WNK1: variants seen among roughly 807,000 people sequenced by gnomAD.
The protein encoded by WNK1 is WNK lysine deficient protein kinase 1.
In WNK1, 38 loss-of-function variants were observed where a neutral mutation model predicts 222.8. That is an observed-to-expected ratio of 0.17 (90% CI 0.13 to 0.22). WNK1 has a LOEUF of 0.22. Ranked by LOEUF, WNK1 falls within the 10% of genes least tolerant of loss-of-function variation. The pLI is 1.00. For synonymous variants in WNK1, 1,090 were observed against 1,092.9 expected (o/e 1.00, Z 0.05); for missense variants, 2,348 against 2,918.4 (o/e 0.80, Z 4.50).
At chr12:816,621 C>T (rs944608750) in intron 2 of WNK1, among the ~76,000 whole-genome samples, 6 of 151,996 alleles carry the variant, frequency 3.9e-5, no homozygotes, top group Admixed American at 6.6e-5. Context: ...ATGTAGATGG[C>T]GCTATAACAT....
At chr12:826,978 G>T in intron 2 of WNK1, 64 bp from the exon 3 acceptor site, 2 of 1,339,580 alleles carry the variant, frequency 1.5e-6, no homozygotes, top group Non-Finnish European at 1.1e-6. Context: ...GAATTTAATG[G>T]AATTCTTCAA....
Position 845,580 on chromosome 12 carries a change from G to A in WNK1, c.1312-11581G>A, listed in dbSNP as rs1390756241. Among the ~76,000 whole-genome samples the A allele has an allele frequency of 2.6e-5, 4 of 152,120 alleles. No individual in the cohort carries two copies. In the South Asian group the frequency reaches 6.2e-4, roughly 24 times the overall value. ...TTGGATCTGCTTCCTTTCAAATTCC[G>A]GCAATGTCATTGCCTAGCTGTGAGA... On this transcript the variant is annotated intron_variant, in intron 4 of 27. Coordinates refer to ENST00000315939, the MANE Select transcript of WNK1 (RefSeq NM_018979.4).
At chr12:851,821 G>T in intron 4 of WNK1, 1 of 1,281,450 alleles carries the variant, frequency 7.8e-7, no homozygotes, top group Non-Finnish European at 1.0e-6. Context: ...AGTTTATATT[G>T]TAGCCTTTTT....
intron 4 of WNK1, among the ~76,000 whole-genome samples, chr12:845,544 A>G (rs1313104612): frequency 6.6e-6 from 1 of 152,238 alleles, no homozygotes; most frequent in Non-Finnish European, 1.5e-5. Flanking sequence ...TGGAAGAAAT[A>G]GGCTCTGGAG....
intron 1 of WNK1, among the ~76,000 whole-genome samples, chr12:771,449 CTATT>C: frequency 6.6e-6 from 1 of 152,024 alleles, no homozygotes; most frequent in East Asian, 1.9e-4. Flanking sequence ...TGTAGTTCAG[CTATT>C]TATTAGCATT....
Position 889,058 on chromosome 12 carries a change from A to T in WNK1, c.5365-82A>T, listed in dbSNP as rs16931987. On this transcript the variant is annotated intron_variant, in intron 20 of 27. Transcript: ENST00000315939. The stretch of plus-strand genomic sequence containing the variant: ...GTTGTGCCAATATAAAGCATAAAAC[A>T]GTGTGTCCTATCTAAATTGGCTATA... 8,206 of 1,016,860 alleles carry T rather than the reference A, an allele frequency of 8.1e-3. 408 individuals carry two copies. The African/African-American group carries it at 0.11, about 14-fold the overall frequency. The allele number at this position is 1,016,860 out of a possible 1,614,324, so 63.0% of individuals were successfully genotyped here. A position where few individuals can be genotyped will look rare whatever the true frequency, so the allele number is the denominator to read the frequency against.
At chr12:891,646 A>T (rs941444936) in intron 22 of WNK1, among the ~76,000 whole-genome samples, 107 of 150,688 alleles carry the variant, frequency 7.1e-4, no homozygotes, top group Non-Finnish European at 5.2e-4. Flanking sequence ...AGTAATAACA[A>T]CTTGAGAATT....
intron 4 of WNK1, among the ~76,000 whole-genome samples, chr12:839,659 G>T (rs192916628): frequency 1.3e-5 from 2 of 151,576 alleles, no homozygotes; most frequent in African/African-American, 4.8e-5. Flanking sequence ...TTAGATTTGG[G>T]GACTATAAAA....
Position 884,035 on chromosome 12 carries a change from G to C in WNK1, c.3722-86G>C. The C allele has an allele frequency of 6.3e-7, 1 of 1,590,490 alleles. No individual in the cohort carries two copies. Among genetic ancestry groups the C allele is most frequent in the African/African-American group, 1.3e-5 (1 of 74,216 alleles). On this transcript the variant is annotated intron_variant, in intron 17 of 27. Coordinates refer to ENST00000315939, the MANE Select transcript of WNK1 (RefSeq NM_018979.4). The surrounding 1 kb of genome is among the most constrained non-coding windows in gnomAD (Gnocchi z 5.6). ...AGAATGAGACCGTGCCTCAAAAAAA[G>C]CAGTTGTATGTGCCAATAATGAAGT...
At chr12:878,475 A>G (rs755177787) in intron 10 of WNK1, 114 bp downstream of exon 10, 60 of 1,203,202 alleles carry the variant, frequency 5.0e-5, no homozygotes, top group Non-Finnish European at 7.0e-5. Context: ...CTTTTCTTCT[A>G]AGGGTAACCA....
intron 4 of WNK1, among the ~76,000 whole-genome samples, chr12:848,079 ACAGGCGTGAGCCACCG>A (rs1463532163): frequency 6.6e-6 from 1 of 152,026 alleles, no homozygotes; most frequent in African/African-American, 2.4e-5. Context: ...TGTTGGGATT[ACAGGCGTGAGCCACCG>A]CGCCTGGCTG....
At chr12:848,773 A>G (rs1308735893) in intron 4 of WNK1, among the ~76,000 whole-genome samples, 5 of 152,140 alleles carry the variant, frequency 3.3e-5, no homozygotes, top group Non-Finnish European at 7.4e-5. Context: ...ATAAGTTTAG[A>G]TATGTAAACT....
intron 25 of WNK1, 137 bp downstream of exon 25, chr12:897,818 T>C (rs941597437): frequency 1.2e-6 from 1 of 846,138 alleles, no homozygotes; most frequent in Non-Finnish European, 1.9e-6. Context: ...TTTGCTTCCT[T>C]GACTGCTGTA....
At chr12:894,095 G>A (rs1954530296) in intron 22 of WNK1, among the ~76,000 whole-genome samples, 1 of 152,014 alleles carries the variant, frequency 6.6e-6, no homozygotes, top group Non-Finnish European at 1.5e-5. Flanking sequence ...GCACACGCCT[G>A]TAATCCCAGC....
Position 780,720 on chromosome 12 carries a change from G to A in WNK1, c.759+26396G>A, listed in dbSNP as rs72647392. ...TATCTTTGTGGAGCTTATTTTGAGC[G>A]TTAGAGTGGGAGACTTAGTTCTAAT... On this transcript the variant is annotated intron_variant, in intron 1 of 27. Coordinates refer to ENST00000315939, the MANE Select transcript of WNK1 (RefSeq NM_018979.4). Among the ~76,000 whole-genome samples the A allele has an allele frequency of 2.1e-3, 323 of 152,314 alleles. 1 individual carries two copies. Among genetic ancestry groups the A allele is most frequent in the African/African-American group, 7.0e-3 (293 of 41,570 alleles).
At chr12:898,013 G>A (rs1434128322) in intron 25 of WNK1, among the ~76,000 whole-genome samples, 1 of 152,118 alleles carries the variant, frequency 6.6e-6, no homozygotes, top group South Asian at 2.1e-4. Flanking sequence ...TTGGGCAGTT[G>A]GAAGAAAATA....
At chr12:792,068 T>G (rs1416768719) in intron 1 of WNK1, among the ~76,000 whole-genome samples, 5 of 152,122 alleles carry the variant, frequency 3.3e-5, no homozygotes, top group African/African-American at 1.2e-4. Context: ...ACTTTTTAAT[T>G]ATCTTGGTTA....
At chr12:781,618 A>G (rs887568319) in intron 1 of WNK1, among the ~76,000 whole-genome samples, 1 of 152,126 alleles carries the variant, frequency 6.6e-6, no homozygotes, top group Non-Finnish European at 1.5e-5. Flanking sequence ...TTTGCTTTTT[A>G]TTTGGTCTCT....
intron 1 of WNK1, among the ~76,000 whole-genome samples, chr12:784,676 C>T (rs1374250633): frequency 1.3e-5 from 2 of 152,198 alleles, no homozygotes; most frequent in African/African-American, 4.8e-5. Flanking sequence ...AATCTCCTGT[C>T]ACTACATTAA....
Sources: allele counts gnomAD v4.1 joint callset (sites outside exome capture counted in the v4.1 genomes callset), GRCh38; gene constraint gnomAD v4.1.1; non-coding constraint Gnocchi (gnomAD v3.1); transcripts MANE v1.5; gene names NCBI Gene and HGNC (gene_info 2026-07-23, HGNC 2026-07-21).